ZNF738: variants seen among roughly 807,000 people sequenced by gnomAD.
The protein encoded by ZNF738 is protein ZNF738.
A neutral mutation model predicts 9.2 loss-of-function variants in ZNF738; 10 were observed. The ratio of observed to expected loss-of-function variants is 1.09; its 90% confidence interval spans 0.67 to 1.85. The LOEUF (loss-of-function observed/expected upper bound fraction) is 1.85. Ranked by LOEUF, ZNF738 falls within the 40% of genes most tolerant of loss-of-function variation. ZNF738 has a pLI of 0.00. For synonymous variants in ZNF738, 113 were observed against 94.5 expected, an observed-to-expected ratio of 1.20 and a Z score of -1.14; for missense variants, 346 against 283.6, an observed-to-expected ratio of 1.22 and a Z score of -1.58.
At chr19:21,359,545 A>G (rs1372196604) in intron 1 of ZNF738, among the ~76,000 whole-genome samples, 1 of 152,130 alleles carries the variant, frequency 6.6e-6, no homozygotes, top group East Asian at 1.9e-4. Flanking sequence ...ATTAAAAGTT[A>G]ATGGGAGTCA....
At position 21,383,826 on chromosome 19, in the gene ZNF738, T is replaced by A. The variant is rs1048969345; in HGVS notation, c.*152T>A. The A allele has an allele frequency of 1.5e-6, 2 of 1,296,834 alleles. No individual in the cohort carries two copies. The highest frequency in any genetic ancestry group is 1.5e-5 in the African/African-American group (1 of 68,650). 80.3% of individuals were successfully genotyped at this position (1,296,834 alleles called of 1,614,324 possible). On this transcript the variant is annotated 3_prime_UTR_variant, in exon 5 of 5. Transcript: ENST00000683779. ...GAAAATTCATTCTGGAGAGAAACCC[T>A]ACAAATGTGGAGAATGTGGCAAAGC...
At chr19:21,361,014 A>C (rs7508045) in intron 1 of ZNF738, among the ~76,000 whole-genome samples, 85,392 of 151,046 alleles carry the variant, frequency 0.57, 24,361 homozygotes, top group Middle Eastern at 0.68. Context: ...GGGTTTCTCC[A>C]TGTTGGTCAG....
chr19:21,363,061 C>T (rs570583156), intron 2 of ZNF738, among the ~76,000 whole-genome samples: 159 of 152,184 alleles, frequency 1.0e-3, no homozygotes, highest in African/African-American at 3.7e-3. Flanking sequence ...TGAGATGAAA[C>T]TTGGTATTGC....
At chr19:21,378,629 A>C (rs1471259033) in intron 4 of ZNF738, 1 of 265,432 alleles carries the variant, frequency 3.8e-6, no homozygotes, top group Non-Finnish European at 7.8e-6. Flanking sequence ...TTTTTTTGAG[A>C]TGGAGTTTCA....
At position 21,359,218 on chromosome 19, in the gene ZNF738, A is replaced by G. The variant is rs970853396; in HGVS notation, c.3+75A>G. On this transcript the variant is annotated intron_variant, in intron 1 of 4. Transcript: ENST00000683779. ...ACCGGTGGGAAGTGGCTGTGGCGAG[A>G]CTCAGGCCTCCCCGCAGTCAGCTCT... The G allele has an allele frequency of 2.1e-5, 20 of 938,166 alleles. No individual in the cohort carries two copies. In the African/African-American group the frequency reaches 2.4e-4, roughly 11 times the overall value. 58.1% of individuals were successfully genotyped at this position (938,166 alleles called of 1,614,324 possible). A position where few individuals can be genotyped will look rare whatever the true frequency, so the allele number is the denominator to read the frequency against.
intron 2 of ZNF738, among the ~76,000 whole-genome samples, chr19:21,363,511 G>A (rs1973728249): frequency 6.6e-6 from 1 of 152,168 alleles, no homozygotes; most frequent in South Asian, 2.1e-4. Flanking sequence ...AAAGGGGACT[G>A]GGAGGGTCTT....
intron 2 of ZNF738, among the ~76,000 whole-genome samples, chr19:21,366,476 G>A (rs11882304): frequency 0.017 from 2,586 of 152,212 alleles, 84 homozygotes; most frequent in African/African-American, 0.056. Flanking sequence ...TTTTTCTGGG[G>A]GAGGGACAGA....
intron 4 of ZNF738, among the ~76,000 whole-genome samples, chr19:21,380,834 A>G (rs1479134413): frequency 2.0e-5 from 3 of 152,180 alleles, no homozygotes; most frequent in Non-Finnish European, 4.4e-5. Flanking sequence ...CTCAGATTTT[A>G]GGAGTCACCG....
chr19:21,384,116 A>T lies in ZNF738; in HGVS notation c.*442A>T. On this transcript the variant is annotated 3_prime_UTR_variant, in exon 5 of 5. Coordinates refer to ENST00000683779, the MANE Select transcript of ZNF738 (RefSeq NM_001355237.2). ...AATGTGGCAAAGCTTTCTACCGATT[A>T]TCTTATCTTACTACACATAAGATGA... 1 of 1,499,416 alleles carries T rather than the reference A, an allele frequency of 6.7e-7. No individual in the cohort carries two copies. Among genetic ancestry groups the T allele is most frequent in the African/African-American group, 1.4e-5 (1 of 71,416 alleles). The allele number at this position is 1,499,416 out of a possible 1,614,324, so 92.9% of individuals were successfully genotyped here.
At chr19:21,375,440 G>A in intron 3 of ZNF738, 76 bp downstream of exon 3, 1 of 597,698 alleles carries the variant, frequency 1.7e-6, no homozygotes, top group East Asian at 2.9e-5. Flanking sequence ...AATAATTTTT[G>A]GTAGTTTATG....
chr19:21,362,817 G>A (rs1599710550), intron 2 of ZNF738, among the ~76,000 whole-genome samples: 1 of 152,112 alleles, frequency 6.6e-6, no homozygotes, highest in Non-Finnish European at 1.5e-5. Flanking sequence ...ATTTCAAACA[G>A]AATTTCAAGC....
intron 4 of ZNF738, among the ~76,000 whole-genome samples, chr19:21,382,485 C>A (rs1293498104): frequency 6.6e-6 from 1 of 152,064 alleles, no homozygotes; most frequent in Non-Finnish European, 1.5e-5. Context: ...GATCCACATG[C>A]TTCAGCCTCC....
At chr19:21,381,687 G>A in intron 4 of ZNF738, 1 of 380,428 alleles carries the variant, frequency 2.6e-6, no homozygotes, top group East Asian at 5.7e-5. Context: ...TAGAGATGGG[G>A]TTTCACTGCG....
rs138374730 is a variant in ZNF738 at position 21,378,725 on chromosome 19, G to A, written c.319+2761G>A. On this transcript the variant is annotated intron_variant, in intron 4 of 4. Coordinates refer to ENST00000683779, the MANE Select transcript of ZNF738 (RefSeq NM_001355237.2). ...AGCAGTTCTCCTACCTCAGCCTCCC[G>A]AGTAGCTGGGATTACGGGCATATGC... 6.7e-3 allele frequency: 2,231 copies of A among 331,064 alleles called. 57 individuals are homozygous for A. The highest frequency in any genetic ancestry group is 0.046 in the African/African-American group (1,981 of 43,022). 20.5% of individuals were successfully genotyped at this position (331,064 alleles called of 1,614,324 possible).
intron 4 of ZNF738, among the ~76,000 whole-genome samples, chr19:21,380,844 G>A (rs887985731): frequency 3.3e-5 from 5 of 152,114 alleles, no homozygotes; most frequent in South Asian, 2.1e-4. Context: ...AGGAGTCACC[G>A]ATCTGTTTGG....
In ZNF738 at chr19:21,386,467, AAACAT is replaced by A. The variant is rs1397759045; in HGVS notation, c.*2801_*2805del. 7.0e-5 allele frequency: 23 copies of A among 328,492 alleles called. No homozygotes were observed. The highest frequency in any genetic ancestry group is 6.3e-6 in the Non-Finnish European group (1 of 159,868). The allele number at this position is 328,492 out of a possible 1,614,324, so 20.3% of individuals were successfully genotyped here. The stretch of plus-strand genomic sequence containing the variant: ...CGTTATCCAGTCCTCAACTCCCACT[AAACAT>A]AACATAATTCATACTGGAGAGAAAC... On this transcript the variant is annotated 3_prime_UTR_variant, in exon 5 of 5. Transcript: ENST00000683779.
chr19:21,366,834 C>T (rs73025767), intron 2 of ZNF738, among the ~76,000 whole-genome samples: 31,557 of 152,086 alleles, frequency 0.21, 3,418 homozygotes, highest in Non-Finnish European at 0.24. Context: ...CCAGAGGTCA[C>T]TCTCATCACC....
At chr19:21,366,788 C>G (rs1973786491) in intron 2 of ZNF738, among the ~76,000 whole-genome samples, 1 of 152,054 alleles carries the variant, frequency 6.6e-6, no homozygotes, top group Admixed American at 6.6e-5. Context: ...CATTTGTAAC[C>G]TCTCATGGCA....
In ZNF738 at chr19:21,388,233, CTT is replaced by C. The variant is rs1168396587; in HGVS notation, c.*4561_*4562del. On this transcript the variant is annotated 3_prime_UTR_variant, in exon 5 of 5. Coordinates refer to ENST00000683779, the MANE Select transcript of ZNF738 (RefSeq NM_001355237.2). ...CTTTATTTCTTGAAAAAATTACAGA[CTT>C]TGAAAGCAAATGATGTAATTCAACA... Among the ~76,000 whole-genome samples the C allele has an allele frequency of 6.6e-6, 1 of 152,096 alleles. No homozygotes were observed. The highest frequency in any genetic ancestry group is 1.9e-4 in the East Asian group (1 of 5,194).
Sources: gnomAD v4.1 joint callset for allele counts (sites outside exome capture counted in the v4.1 genomes callset) on GRCh38, gnomAD v4.1.1 for gene constraint, MANE v1.5 for transcripts, NCBI Gene and HGNC (gene_info 2026-07-23, HGNC 2026-07-21) for gene names.